The following APCDD1 variants were observed in gnomAD, a reference collection of about 807,000 sequenced individuals.
The protein encoded by APCDD1 is protein APCDD1.
In APCDD1, 15 loss-of-function variants were observed where a neutral mutation model predicts 38.1. The ratio of observed to expected loss-of-function variants is 0.39; its 90% confidence interval spans 0.26 to 0.61. APCDD1 has a LOEUF of 0.61. Among genes scored for constraint, APCDD1 ranks in the 20% least tolerant of loss-of-function variants. The pLI is 0.49. For synonymous variants in APCDD1, 261 were observed against 279.7 expected (o/e 0.93, Z 0.67); for missense variants, 647 against 696.2 (o/e 0.93, Z 0.79).
intron 1 of APCDD1, among the ~76,000 whole-genome samples, chr18:10,460,299 G>T (rs1470449974): frequency 6.6e-6 from 1 of 152,228 alleles, no homozygotes; most frequent in Non-Finnish European, 1.5e-5. Flanking sequence ...GCCAAGGCGG[G>T]CAGATCACCT....
At chr18:10,463,369 AT>A (rs1349190647) in intron 1 of APCDD1, among the ~76,000 whole-genome samples, 1 of 152,082 alleles carries the variant, frequency 6.6e-6, no homozygotes, top group East Asian at 1.9e-4. Context: ...AGCCTTACTG[AT>A]TGGATGAATG....
intron 3 of APCDD1, among the ~76,000 whole-genome samples, chr18:10,483,307 C>A (rs1218415070): frequency 2.0e-5 from 3 of 152,236 alleles, no homozygotes; most frequent in Non-Finnish European, 4.4e-5. Flanking sequence ...CAGGCAGTTT[C>A]TCCGTGTGCC....
intron 3 of APCDD1, among the ~76,000 whole-genome samples, chr18:10,483,900 G>A (rs2031192653): frequency 6.6e-6 from 1 of 152,252 alleles, no homozygotes; most frequent in Admixed American, 6.5e-5. Context: ...GAGAATAGCG[G>A]AGGGATGACC....
intron 1 of APCDD1, among the ~76,000 whole-genome samples, chr18:10,462,994 C>T (rs544311005): frequency 6.6e-6 from 1 of 151,996 alleles, no homozygotes; most frequent in African/African-American, 2.4e-5. Context: ...TTTTGGTGGC[C>T]CCCCCTTCAC....
intron 3 of APCDD1, among the ~76,000 whole-genome samples, chr18:10,473,001 G>A (rs1598397813): frequency 6.6e-6 from 1 of 152,244 alleles, no homozygotes; most frequent in African/African-American, 2.4e-5. Context: ...GCAGGTCTCT[G>A]TGGAGTATCT....
chr18:10,457,729 A>G (rs1033726217), intron 1 of APCDD1, among the ~76,000 whole-genome samples: 1 of 152,218 alleles, frequency 6.6e-6, no homozygotes, highest in African/African-American at 2.4e-5. Context: ...GTAGATAACC[A>G]TTATGTTTGG....
intron 3 of APCDD1, among the ~76,000 whole-genome samples, chr18:10,484,819 T>C (rs1281112627): frequency 7.2e-6 from 1 of 139,696 alleles, no homozygotes; most frequent in African/African-American, 3.3e-5. Context: ...TCCATCCATC[T>C]GTCAGTGGAC....
chr18:10,464,008 T>C lies in APCDD1; in HGVS notation c.59-4461T>C, dbSNP rs989356415. 2.0e-5 allele frequency among the ~76,000 whole-genome samples: 3 copies of C among 152,336 alleles called. 1 individual carries two copies. Among genetic ancestry groups the C allele is most frequent in the Middle Eastern group, 6.8e-3 (2 of 294 alleles). The stretch of plus-strand genomic sequence containing the variant: ...TGTGCTCATTGTCAAATGTGAGCAA[T>C]AGCAAAATGGATATTGATCTTTAGA... On this transcript the variant is annotated intron_variant, in intron 1 of 4. Coordinates refer to ENST00000355285, the MANE Select transcript of APCDD1 (RefSeq NM_153000.5).
At chr18:10,462,909 T>A (rs2098302694) in intron 1 of APCDD1, among the ~76,000 whole-genome samples, 1 of 133,888 alleles carries the variant, frequency 7.5e-6, no homozygotes, top group South Asian at 2.2e-4. Context: ...CTGTCCCCCA[T>A]GTCCCTCCAA....
At chr18:10,464,337 C>CACACACAG (rs1237162862) in intron 1 of APCDD1, among the ~76,000 whole-genome samples, 1 of 150,398 alleles carries the variant, frequency 6.6e-6, no homozygotes, top group Non-Finnish European at 1.5e-5. Context: ...CACACACACA[C>CACACACAG]ACACACAGAC....
intron 1 of APCDD1, among the ~76,000 whole-genome samples, chr18:10,458,178 T>C (rs2030430392): frequency 6.6e-6 from 1 of 152,218 alleles, no homozygotes; most frequent in Non-Finnish European, 1.5e-5. Context: ...TCTTTGCTAA[T>C]GGAAACATTT....
intron 3 of APCDD1, among the ~76,000 whole-genome samples, chr18:10,480,930 C>CA (rs1185387743): frequency 8.5e-5 from 12 of 141,228 alleles, no homozygotes; most frequent in East Asian, 2.2e-4. Context: ...AGTCAACAAC[C>CA]AAAAAAAATA....
At chr18:10,479,656 C>T (rs1006502715) in intron 3 of APCDD1, among the ~76,000 whole-genome samples, 1 of 152,186 alleles carries the variant, frequency 6.6e-6, no homozygotes, top group Admixed American at 6.5e-5. Context: ...ATCCTGGCTC[C>T]ACTTTGGGTT....
At chr18:10,481,145 G>T (rs551469540) in intron 3 of APCDD1, among the ~76,000 whole-genome samples, 5 of 152,192 alleles carry the variant, frequency 3.3e-5, no homozygotes, top group Admixed American at 6.5e-5. Flanking sequence ...TGGTACGGTG[G>T]TTCCCCCCAA....
Position 10,475,528 on chromosome 18 carries a change from T to C in APCDD1, c.774+3467T>C, listed in dbSNP as rs1189011199. Among the ~76,000 whole-genome samples, 1 of 152,088 alleles carries C rather than the reference T, an allele frequency of 6.6e-6. No individual in the cohort carries two copies. The highest frequency in any genetic ancestry group is 1.9e-4 in the East Asian group (1 of 5,176). ...GGAATCAGATATTTATGGAGGAAAT[T>C]AATGACTGCCTCAGAGGAAGTGACA... is the stretch of plus-strand genomic sequence containing the variant. On this transcript the variant is annotated intron_variant, in intron 3 of 4. Coordinates refer to ENST00000355285, the MANE Select transcript of APCDD1 (RefSeq NM_153000.5). The surrounding 1 kb of genome is among the most constrained non-coding windows in gnomAD (Gnocchi z 4.0).
intron 1 of APCDD1, among the ~76,000 whole-genome samples, chr18:10,459,807 T>C (rs113686151): frequency 3.1e-4 from 47 of 152,312 alleles, no homozygotes; most frequent in African/African-American, 1.0e-3. Flanking sequence ...GGCTAAGTAA[T>C]TACTTGCACT....
intron 3 of APCDD1, among the ~76,000 whole-genome samples, chr18:10,483,599 G>A (rs768677507): frequency 6.6e-6 from 1 of 152,228 alleles, no homozygotes; most frequent in East Asian, 1.9e-4. Flanking sequence ...CACATGTTGA[G>A]TGAGGGCTGT....
chr18:10,482,067 G>A (rs539662043), intron 3 of APCDD1, among the ~76,000 whole-genome samples: 2 of 152,192 alleles, frequency 1.3e-5, no homozygotes, highest in South Asian at 4.2e-4. Flanking sequence ...TGCCTTGTCT[G>A]AGCCAAACAG....
Position 10,471,420 on chromosome 18 carries a change from C to G in APCDD1, c.243-110C>G. 1.4e-6 allele frequency: 2 copies of G among 1,389,474 alleles called. No homozygotes were observed. The highest frequency in any genetic ancestry group is 2.0e-6 in the Non-Finnish European group (2 of 1,003,042). The allele number at this position is 1,389,474 out of a possible 1,614,324, so 86.1% of individuals were successfully genotyped here. ...ATAAAGGGCTGACAACAGAGTCTGGCCCATCGTCAGCACTTTATTATTATT... is the reference window on the plus strand; with the variant it reads ...ATAAAGGGCTGACAACAGAGTCTGGGCCATCGTCAGCACTTTATTATTATT... On this transcript the variant is annotated intron_variant, in intron 2 of 4. Transcript: ENST00000355285. The surrounding 1 kb of genome is among the most constrained non-coding windows in gnomAD (Gnocchi z 5.5).
Sources: allele counts gnomAD v4.1 joint callset (sites outside exome capture counted in the v4.1 genomes callset), GRCh38; gene constraint gnomAD v4.1.1; non-coding constraint Gnocchi (gnomAD v3.1); transcripts MANE v1.5; gene names NCBI Gene and HGNC (gene_info 2026-07-23, HGNC 2026-07-21).